Variants in TENM3 observed in about 807,000 individuals in gnomAD.
The protein encoded by TENM3 is teneurin-3.
A neutral mutation model predicts 255.1 loss-of-function variants in TENM3; 63 were observed. That is an observed-to-expected ratio of 0.25 (90% CI 0.20 to 0.30). The LOEUF is 0.30. Ranked by LOEUF, TENM3 falls within the 10% of genes least tolerant of loss-of-function variation. The probability of loss-of-function intolerance (pLI) is 1.00; values close to 1 mark genes in which losing one functional copy is unlikely to be tolerated. For synonymous variants in TENM3, 1,306 were observed against 1,322.3 expected (o/e 0.99, Z 0.27); for missense variants, 2,929 against 3,461.1 (o/e 0.85, Z 3.86).
At chr4:181,487,398 A>C in the TENM3 span, among the ~76,000 whole-genome samples, 2 of 152,142 alleles carry the variant, frequency 1.3e-5, no homozygotes, top group Admixed American at 1.3e-4. Flanking sequence ...ATAGAAATTA[A>C]CTTCTCACAG....
At chr4:182,180,721 C>A (rs2149737918) in intron 1 of TENM3, among the ~76,000 whole-genome samples, 1 of 151,476 alleles carries the variant, frequency 6.6e-6, no homozygotes, top group African/African-American at 2.4e-5. Context: ...AGTGATCCTG[C>A]CACCTGGGCC....
intron 4 of TENM3, among the ~76,000 whole-genome samples, chr4:182,607,655 A>C (rs965970468): frequency 6.6e-6 from 1 of 152,108 alleles, no homozygotes; most frequent in Non-Finnish European, 1.5e-5. Context: ...ATAGAGTGGG[A>C]GTGTTATTTT....
intron 3 of TENM3, among the ~76,000 whole-genome samples, chr4:182,594,238 C>T (rs1746958524): frequency 6.6e-6 from 1 of 152,058 alleles, no homozygotes; most frequent in Admixed American, 6.5e-5. Flanking sequence ...GGTCTGGACT[C>T]ACACAATCTT....
chr4:181,754,664 G>C, the TENM3 span, among the ~76,000 whole-genome samples: 1 of 152,058 alleles, frequency 6.6e-6, no homozygotes, highest in Non-Finnish European at 1.5e-5. Flanking sequence ...GGTTGTGATT[G>C]GGAGGTGATT....
intron 1 of TENM3, among the ~76,000 whole-genome samples, chr4:182,212,467 T>C (rs578189745): frequency 6.6e-6 from 1 of 152,102 alleles, no homozygotes; most frequent in Non-Finnish European, 1.5e-5. Context: ...TACTCAGGGC[T>C]CTGACTAATA....
the TENM3 span, among the ~76,000 whole-genome samples, chr4:181,964,495 A>G: frequency 6.6e-6 from 1 of 151,898 alleles, no homozygotes; most frequent in Admixed American, 6.6e-5. Flanking sequence ...TCTGTGTAGT[A>G]CAGTAGCATT....
chr4:182,116,102 C>A, the TENM3 span, among the ~76,000 whole-genome samples: 152 of 152,200 alleles, frequency 1.0e-3, no homozygotes, highest in African/African-American at 3.6e-3. Flanking sequence ...TACATTCTAT[C>A]AGTTTGGACA....
chr4:182,485,855 G>A (rs1734649312), intron 3 of TENM3, among the ~76,000 whole-genome samples: 1 of 152,172 alleles, frequency 6.6e-6, no homozygotes, highest in African/African-American at 2.4e-5. Flanking sequence ...GGAGATTGTA[G>A]AGTATGACAC....
At chr4:182,227,717 A>T (rs1756267385) in intron 1 of TENM3, among the ~76,000 whole-genome samples, 1 of 149,548 alleles carries the variant, frequency 6.7e-6, no homozygotes, top group Non-Finnish European at 1.5e-5. Flanking sequence ...GGCAAAGAAG[A>T]TTCTAGTCAT....
At chr4:181,577,117 TAAA>T in the TENM3 span, among the ~76,000 whole-genome samples, 1 of 134,506 alleles carries the variant, frequency 7.4e-6, no homozygotes, top group South Asian at 2.2e-4. Flanking sequence ...TATATAATAA[TAAA>T]TTATGTGTAA....
intron 1 of TENM3, among the ~76,000 whole-genome samples, chr4:182,171,878 C>T (rs567508538): frequency 3.3e-5 from 5 of 151,614 alleles, no homozygotes; most frequent in Admixed American, 6.6e-5. Flanking sequence ...AGGTTTACTA[C>T]GAATATATAG....
At chr4:181,801,534 A>C in the TENM3 span, among the ~76,000 whole-genome samples, 1 of 151,930 alleles carries the variant, frequency 6.6e-6, no homozygotes, top group South Asian at 2.1e-4. Context: ...TTATACTTTT[A>C]TTAAAATTCA....
the TENM3 span, among the ~76,000 whole-genome samples, chr4:181,909,310 A>T: frequency 6.6e-6 from 1 of 152,192 alleles, no homozygotes; most frequent in Non-Finnish European, 1.5e-5. Context: ...TTTATTCATA[A>T]AATAAACACC....
At chr4:182,752,899 A>G (rs975089840) in intron 20 of TENM3, among the ~76,000 whole-genome samples, 4 of 151,538 alleles carry the variant, frequency 2.6e-5, no homozygotes, top group Non-Finnish European at 2.9e-5. Flanking sequence ...TGATACATAT[A>G]CTCACAGGAG....
the TENM3 span, among the ~76,000 whole-genome samples, chr4:181,783,356 T>C: frequency 6.6e-6 from 1 of 152,168 alleles, no homozygotes; most frequent in Admixed American, 6.6e-5. Context: ...CCTGTCTCTA[T>C]CTTTCTCCTC....
At chr4:182,168,738 A>G (rs1751889194) in intron 1 of TENM3, among the ~76,000 whole-genome samples, 1 of 152,244 alleles carries the variant, frequency 6.6e-6, no homozygotes, top group Non-Finnish European at 1.5e-5. Context: ...AATTATAGGT[A>G]TGGATAATTG....
intron 3 of TENM3, among the ~76,000 whole-genome samples, chr4:182,420,499 T>G (rs1770749619): frequency 6.6e-6 from 1 of 152,212 alleles, no homozygotes; most frequent in African/African-American, 2.4e-5. Context: ...GACTCTTCTG[T>G]GAAATGACAA....
chr4:181,517,883 CACTG>C, the TENM3 span, among the ~76,000 whole-genome samples: 14 of 152,160 alleles, frequency 9.2e-5, no homozygotes. Context: ...AAGGAACCAG[CACTG>C]ACTATTTTTC....
intron 3 of TENM3, among the ~76,000 whole-genome samples, chr4:182,396,706 A>T (rs1397702978): frequency 6.6e-6 from 1 of 152,194 alleles, no homozygotes; most frequent in African/African-American, 2.4e-5. Context: ...TCACACCTGT[A>T]AACTCAGCAC....
Sources: gnomAD v4.1 joint callset for allele counts (sites outside exome capture counted in the v4.1 genomes callset) on GRCh38, gnomAD v4.1.1 for gene constraint, MANE v1.5 for transcripts, NCBI Gene and HGNC (gene_info 2026-07-23, HGNC 2026-07-21) for gene names.